Variants in LCMT1 observed in about 807,000 individuals in gnomAD.
LCMT1 encodes leucine carboxyl methyltransferase 1.
Under a neutral mutation model 47.7 loss-of-function variants are expected in LCMT1, and 32 were observed. The ratio of observed to expected loss-of-function variants is 0.67; its 90% CI spans 0.51 to 0.90. LCMT1 has a LOEUF of 0.90. Ranked by LOEUF, LCMT1 falls within the 40% of genes least tolerant of loss-of-function variation. The pLI, the probability that LCMT1 is intolerant of heterozygous loss-of-function variation, is 0.00. For missense variants in LCMT1, 375 were observed against 415.2 expected (o/e 0.90, Z 0.84); for synonymous variants, 152 against 149.7 (o/e 1.02, Z -0.11).
At chr16:25,156,809 G>A (rs1388244334) in intron 5 of LCMT1, among the ~76,000 whole-genome samples, 2 of 152,210 alleles carry the variant, frequency 1.3e-5, no homozygotes, top group South Asian at 2.1e-4. Context: ...CATGAGGGCA[G>A]GGACCATGTC....
At chr16:25,125,952 G>C (rs769164627) in intron 1 of LCMT1, 1 of 1,178,840 alleles carries the variant, frequency 8.5e-7, no homozygotes, top group Non-Finnish European at 1.1e-6. Context: ...CTTGCTGCTT[G>C]TCTCCCTTCA....
At chr16:25,117,573 G>C (rs1460969510) in intron 1 of LCMT1, among the ~76,000 whole-genome samples, 1 of 152,102 alleles carries the variant, frequency 6.6e-6, no homozygotes, top group African/African-American at 2.4e-5. Flanking sequence ...ACAAGTTAAG[G>C]CCTGGTGCGG....
At chr16:25,154,678 C>T (rs1459349761) in intron 5 of LCMT1, among the ~76,000 whole-genome samples, 2 of 151,714 alleles carry the variant, frequency 1.3e-5, no homozygotes, top group African/African-American at 2.4e-5. Flanking sequence ...TTAGTAGAGA[C>T]GGGGTTTCAC....
chr16:25,163,830 G>T (rs1699400902), intron 6 of LCMT1, among the ~76,000 whole-genome samples: 1 of 152,192 alleles, frequency 6.6e-6, no homozygotes, highest in Non-Finnish European at 1.5e-5. Flanking sequence ...TTTTCAACCA[G>T]TTTCTTGTTG....
intron 2 of LCMT1, chr16:25,132,181 G>T: frequency 1.9e-6 from 1 of 534,630 alleles, no homozygotes; most frequent in Non-Finnish European, 3.4e-6. Context: ...GTAGTTAATT[G>T]CTTCATGAAA....
chr16:25,170,087 G>T (rs1323605866), intron 8 of LCMT1, among the ~76,000 whole-genome samples: 1 of 152,074 alleles, frequency 6.6e-6, no homozygotes, highest in Non-Finnish European at 1.5e-5. Context: ...GGGTGTGGTG[G>T]TGCACACCTG....
At chr16:25,168,065 T>C (rs892307062) in intron 7 of LCMT1, among the ~76,000 whole-genome samples, 1 of 151,826 alleles carries the variant, frequency 6.6e-6, no homozygotes, top group Non-Finnish European at 1.5e-5. Context: ...CCTTTTTTTT[T>C]TGAGACAGAG....
chr16:25,113,033 C>T (rs969710990), intron 1 of LCMT1, among the ~76,000 whole-genome samples: 4 of 147,836 alleles, frequency 2.7e-5, no homozygotes, highest in African/African-American at 7.5e-5. Context: ...CCCAGCTACT[C>T]GGGAGGCTGA....
intron 1 of LCMT1, among the ~76,000 whole-genome samples, chr16:25,119,421 G>A (rs925836817): frequency 2.0e-5 from 3 of 151,942 alleles, no homozygotes; most frequent in Admixed American, 6.6e-5. Context: ...CTACCTTTGC[G>A]CCACATGAGC....
intron 1 of LCMT1, among the ~76,000 whole-genome samples, chr16:25,119,168 G>T (rs1959891272): frequency 1.3e-5 from 2 of 152,154 alleles, no homozygotes; most frequent in South Asian, 4.1e-4. Flanking sequence ...AGAATGTTCT[G>T]GCAGAGTGGA....
At chr16:25,159,022 A>G (rs1961343154) in intron 5 of LCMT1, 1 of 152,168 alleles carries the variant, frequency 6.6e-6, no homozygotes, top group African/African-American at 2.4e-5. Flanking sequence ...TACAAGAATA[A>G]TCATGATGAT....
In LCMT1 at chr16:25,170,780, A is replaced by C; in HGVS notation, c.859A>C (p.Arg287=). Residue 287 remains arginine, a synonymous_variant, in exon 9 of 11, where the codon AGG becomes CGG. Transcript: ENST00000399069. ...SAVDMMELYN[R]LPRAEVSRIE... is the part of the protein sequence containing the mutation. Reference sequence around the variant, plus strand: ...CGTCGACATGATGGAGTTGTACAACAGGTTACCTCGAGCTGAAGTGAGCAG... The same window carrying C: ...CGTCGACATGATGGAGTTGTACAACCGGTTACCTCGAGCTGAAGTGAGCAG... 1 of 1,612,744 alleles carries C rather than the reference A, an allele frequency of 6.2e-7. No individual in the cohort carries two copies. The highest frequency in any genetic ancestry group is 8.5e-7 in the Non-Finnish European group (1 of 1,179,010).
chr16:25,122,278 T>C (rs1027705900), intron 1 of LCMT1, among the ~76,000 whole-genome samples: 2 of 134,498 alleles, frequency 1.5e-5, no homozygotes, highest in Admixed American at 1.6e-4. Flanking sequence ...CACTGATATT[T>C]CTTATGTGAA....
At chr16:25,121,300 C>T (rs897009310) in intron 1 of LCMT1, among the ~76,000 whole-genome samples, 5 of 151,878 alleles carry the variant, frequency 3.3e-5, no homozygotes, top group Non-Finnish European at 5.9e-5. Flanking sequence ...ATCCCAGCTG[C>T]TTGGGAGGCT....
At chr16:25,140,013 ATTC>A (rs1960632440) in intron 3 of LCMT1, 155 bp from the exon 4 acceptor site, 1 of 609,878 alleles carries the variant, frequency 1.6e-6, no homozygotes, top group African/African-American at 1.9e-5. Context: ...CCTCAAATCT[ATTC>A]TTGAGTAATT....
At chr16:25,132,606 T>C (rs1019134976) in intron 3 of LCMT1, 83 bp downstream of exon 3, 26 of 1,451,322 alleles carry the variant, frequency 1.8e-5, no homozygotes, top group African/African-American at 2.8e-5. Flanking sequence ...TGTAAACATA[T>C]ATTAAAAGTT....
chr16:25,168,722 G>GT (rs1161519571), intron 7 of LCMT1, among the ~76,000 whole-genome samples: 2 of 152,086 alleles, frequency 1.3e-5, no homozygotes, highest in African/African-American at 2.4e-5. Context: ...TGTCTTCTCT[G>GT]TTTTCATGGC....
intron 1 of LCMT1, among the ~76,000 whole-genome samples, chr16:25,117,119 G>C (rs1959816069): frequency 6.6e-6 from 1 of 152,168 alleles, no homozygotes; most frequent in African/African-American, 2.4e-5. Flanking sequence ...GAACTGATAT[G>C]ATCTTGGTTT....
At chr16:25,134,491 T>A (rs1960446411) in intron 3 of LCMT1, among the ~76,000 whole-genome samples, 1 of 152,226 alleles carries the variant, frequency 6.6e-6, no homozygotes, top group Admixed American at 6.5e-5. Context: ...CATTGTTATC[T>A]GCCCATTAAA....
Sources: gnomAD v4.1 joint callset for allele counts (sites outside exome capture counted in the v4.1 genomes callset) on GRCh38, gnomAD v4.1.1 for gene constraint, MANE v1.5 for transcripts, NCBI Gene and HGNC (gene_info 2026-07-23, HGNC 2026-07-21) for gene names.